The following RETREG2 variants were observed in gnomAD, a reference collection of about 807,000 sequenced individuals.
The protein encoded by RETREG2 is reticulophagy regulator 2.
RETREG2 carries 21 observed loss-of-function variants against 51.6 expected under a neutral mutation model. The observed-to-expected ratio is 0.41, with a 90% CI of 0.29 to 0.59. RETREG2 has a LOEUF of 0.59. RETREG2 is among the 20% of genes least tolerant of loss of function. The probability of loss-of-function intolerance (pLI) is 0.34; values close to 1 mark genes in which losing one functional copy is unlikely to be tolerated. For synonymous variants in RETREG2, 339 were observed against 288.6 expected, an observed-to-expected ratio of 1.17 and a Z score of -1.77; for missense variants, 674 against 646.0, an observed-to-expected ratio of 1.04 and a Z score of -0.47.
Position 219,184,514 on chromosome 2 carries a change from TGA to T in RETREG2, c.*1888_*1889del, listed in dbSNP as rs1333576462. 1 of 152,188 alleles carries T rather than the reference TGA, an allele frequency of 6.6e-6. No individual in the cohort carries two copies. The highest frequency in any genetic ancestry group is 2.4e-5 in the African/African-American group (1 of 41,442). The allele number at this position is 152,188 out of a possible 1,614,324, so 9.4% of individuals were successfully genotyped here. A position where few individuals can be genotyped will look rare whatever the true frequency, so the allele number is the denominator to read the frequency against. On this transcript the variant is annotated 3_prime_UTR_variant, in exon 9 of 9. Coordinates refer to ENST00000430297, the MANE Select transcript of RETREG2 (RefSeq NM_024293.6). The stretch of plus-strand genomic sequence containing the variant: ...TTTTTCTGTTTGCTTCACATTTGAC[TGA>T]GAATCATTCTAGGGTTTGATTGAGC...
Position 219,184,575 on chromosome 2 carries a change from T to C in RETREG2, c.*1946T>C, listed in dbSNP as rs1574789053. ...TGTGCCACTAAAGGAACTCGAACTT[T>C]TCATCACTTAGAGATTTCAGAGGGG... On this transcript the variant is annotated 3_prime_UTR_variant, in exon 9 of 9. Coordinates refer to ENST00000430297, the MANE Select transcript of RETREG2 (RefSeq NM_024293.6). The C allele has an allele frequency of 6.6e-6, 1 of 152,216 alleles. No homozygotes were observed. The allele number at this position is 152,216 out of a possible 1,614,324, so 9.4% of individuals were successfully genotyped here.
At position 219,179,046 on chromosome 2, in the gene RETREG2, C is replaced by T. The variant is rs777759884; in HGVS notation, c.388+18C>T. The T allele has an allele frequency of 1.3e-6, 2 of 1,560,676 alleles. No homozygotes were observed. Among genetic ancestry groups the T allele is most frequent in the Non-Finnish European group, 1.8e-6 (2 of 1,131,858 alleles). On this transcript the variant is annotated intron_variant, in intron 2 of 8. Transcript: ENST00000430297. ...CGTTTCAGGTGAGTGTTTCTTCATT[C>T]AGTAAGCACCCATTGGGTACTTGCT...
In RETREG2 at chr2:219,183,856, GGATTT is replaced by G. The variant is rs1950315988; in HGVS notation, c.*1228_*1232del. The G allele has an allele frequency of 6.6e-6, 1 of 152,204 alleles. No homozygotes were observed. The highest frequency in any genetic ancestry group is 2.4e-5 in the African/African-American group (1 of 41,448). The allele number at this position is 152,204 out of a possible 1,614,324, so 9.4% of individuals were successfully genotyped here. Reference sequence around the variant, plus strand: ...TACATGCTAACAACTCACTCAGCCTGGATTTATCTTTACTGGGGAAGCCAAACAAG... The same window carrying G: ...TACATGCTAACAACTCACTCAGCCTGATCTTTACTGGGGAAGCCAAACAAG... On this transcript the variant is annotated 3_prime_UTR_variant, in exon 9 of 9. Transcript: ENST00000430297.
chr2:219,182,406 T>G lies in RETREG2; in HGVS notation c.1409T>G (p.Val470Gly), dbSNP rs1950294665. 1 of 1,613,818 alleles carries G rather than the reference T, an allele frequency of 6.2e-7. No homozygotes were observed. Residue 470 changes from valine (V) to glycine (G), a missense_variant, in exon 9 of 9, where the codon GTT (valine) becomes GGT (glycine). Val to Gly is a moderately radical substitution (Grantham distance 109). Transcript: ENST00000430297. ...PAPSPSILPP[V>G]PQDSPQPLPA... is the part of the protein sequence containing the mutation. ...CCCTCCCCTTCCATTCTCCCACCTG[T>G]TCCCCAGGACTCACCCCAGCCCCTG...
chr2:219,181,533 C>T (rs566878381), intron 7 of RETREG2, 70 bp downstream of exon 7: 25 of 1,602,098 alleles, frequency 1.6e-5, no homozygotes, highest in Admixed American at 3.4e-5. Flanking sequence ...TTGGAGCTGC[C>T]ACCTCCAAAG....
intron 8 of RETREG2, 79 bp from the exon 9 acceptor site, chr2:219,181,934 C>T (rs1221550299): frequency 3.8e-6 from 6 of 1,570,962 alleles, no homozygotes; most frequent in Non-Finnish European, 5.2e-6. Context: ...GTCTTGAGTT[C>T]TCATCCTTGA....
intron 8 of RETREG2, 70 bp from the exon 9 acceptor site, chr2:219,181,943 G>C: frequency 6.3e-7 from 1 of 1,583,064 alleles, no homozygotes; most frequent in Non-Finnish European, 8.6e-7. Context: ...TCTCATCCTT[G>C]AACTCATTGT....
chr2:219,180,361 G>A, intron 4 of RETREG2, 116 bp downstream of exon 4: 12 of 1,386,984 alleles, frequency 8.7e-6, no homozygotes, highest in Non-Finnish European at 1.2e-5. Flanking sequence ...GAAGAGGCCT[G>A]GGCGCCTTCT....
Position 219,182,379 on chromosome 2 carries a change from C to T in RETREG2, c.1382C>T (p.Ala461Val). 1.2e-6 allele frequency: 2 copies of T among 1,614,040 alleles called. No individual in the cohort carries two copies. The highest frequency in any genetic ancestry group is 1.7e-6 in the Non-Finnish European group (2 of 1,179,996). The change falls in exon 9 of 9, where the codon GCC becomes GTC. Residue 461 changes from alanine to valine, a missense_variant. Transcript: ENST00000430297. ...CTTTGCCTTGTTGGAAGTGACCCAG[C>T]CCCCTCCCCTTCCATTCTCCCACCT... ...PPLCLVGSDPAPSPSILPPVP... is the reference protein window; with the variant it reads ...PPLCLVGSDPVPSPSILPPVP...
Position 219,178,301 on chromosome 2 carries a change from G to T in RETREG2, c.-52G>T. 2.7e-6 allele frequency: 1 copy of T among 376,412 alleles called. No individual in the cohort carries two copies. The highest frequency in any genetic ancestry group is 4.7e-6 in the Non-Finnish European group (1 of 211,682). 23.3% of individuals were successfully genotyped at this position (376,412 alleles called of 1,614,324 possible). On this transcript the variant is annotated 5_prime_UTR_variant, in exon 1 of 9. Transcript: ENST00000430297. The stretch of plus-strand genomic sequence containing the variant: ...TTCCGCCTGACGCGCCCCCGGCGGC[G>T]GCCGCGCAGCCCTGGCTCCTCGCGG...
In RETREG2 at chr2:219,181,430, A is replaced by T. The variant is rs746714475; in HGVS notation, c.846A>T (p.Glu282Asp). The T allele has an allele frequency of 6.2e-7, 1 of 1,614,140 alleles. No homozygotes were observed. The highest frequency in any genetic ancestry group is 1.7e-5 in the Admixed American group (1 of 60,020). ...AGCCACTGGCAGAGACAGAGAGTGA[A>T]AGCGAGGCAGAGCTGGCTGGCTTCT... ...GDEPLAETES[E>D]SEAELAGFSP... The change falls in exon 7 of 9, where the codon GAA becomes GAT. Residue 282 changes from glutamate to aspartate, a missense_variant. Physicochemically the swap from Glu to Asp is conservative, Grantham distance 45. Transcript: ENST00000430297.
In RETREG2 at chr2:219,182,093, G is replaced by C. The variant is rs776458199; in HGVS notation, c.1096G>C (p.Ala366Pro). The change falls in exon 9 of 9, where the codon GCC becomes CCC. Residue 366 changes from alanine to proline, a missense_variant. Transcript: ENST00000430297. ...AGGGGAGGGAGAGGAGGGAGAGCTG[G>C]CCCCTCCCGAAGACCTACTAGGCCG... ...DLGEGEEGEL[A>P]PPEDLLGRPQ... 2.1e-5 allele frequency: 34 copies of C among 1,614,140 alleles called. No individual in the cohort carries two copies. The South Asian group carries it at 3.7e-4, about 18-fold the overall frequency.
rs1303044679 is a variant in RETREG2 at position 219,184,422 on chromosome 2, A to G, written c.*1793A>G. 6.6e-6 allele frequency: 1 copy of G among 152,040 alleles called. No homozygotes were observed. The highest frequency in any genetic ancestry group is 6.6e-5 in the Admixed American group (1 of 15,262). The allele number at this position is 152,040 out of a possible 1,614,324, so 9.4% of individuals were successfully genotyped here. A position where few individuals can be genotyped will look rare whatever the true frequency, so the allele number is the denominator to read the frequency against. On this transcript the variant is annotated 3_prime_UTR_variant, in exon 9 of 9. Transcript: ENST00000430297. ...TGCCTGGCTGTCTGCTGGAGGTACC[A>G]TATGGTAATGCTGCCTGTCTTTCTG... is the stretch of plus-strand genomic sequence containing the variant.
intron 6 of RETREG2, 64 bp from the exon 7 acceptor site, chr2:219,181,305 C>G: frequency 6.2e-7 from 1 of 1,604,978 alleles, no homozygotes; most frequent in Non-Finnish European, 8.5e-7. Context: ...AGTTCTTTAG[C>G]TGTGTTTGTC....
chr2:219,181,829 C>T, intron 8 of RETREG2, 54 bp downstream of exon 8: 2 of 1,600,112 alleles, frequency 1.2e-6, no homozygotes, highest in Non-Finnish European at 1.7e-6. Flanking sequence ...GTGTTCCCTA[C>T]CATGGGTACT....
chr2:219,179,846 TGCCCCAG>T (rs1950251439), intron 3 of RETREG2, 83 bp downstream of exon 3: 2 of 1,439,948 alleles, frequency 1.4e-6, no homozygotes, highest in South Asian at 2.3e-5. Flanking sequence ...AGCAGGGCAG[TGCCCCAG>T]CATTGTGAAT....
At chr2:219,180,927 T>A in intron 5 of RETREG2, 135 bp from the exon 6 acceptor site, 1 of 1,371,550 alleles carries the variant, frequency 7.3e-7, no homozygotes, top group Non-Finnish European at 1.0e-6. Flanking sequence ...GGGCAGTGGA[T>A]GTGGCAAGAA....
chr2:219,181,331 C>A, intron 6 of RETREG2, 38 bp from the exon 7 acceptor site: 1 of 1,608,724 alleles, frequency 6.2e-7, no homozygotes, highest in Non-Finnish European at 8.5e-7. Flanking sequence ...TCCCATCATT[C>A]ATGCTTGGTC....
Position 219,180,770 on chromosome 2 carries a change from C to G in RETREG2, c.640+16C>G, listed in dbSNP as rs977047451. On this transcript the variant is annotated intron_variant, in intron 5 of 8. Transcript: ENST00000430297. ...TACATTGTCTGTGAGTAGGGTCTGT[C>G]CCTGCCCTATTTAAAGCCCTCTCCT... 6.2e-7 allele frequency: 1 copy of G among 1,613,392 alleles called. No homozygotes were observed. The highest frequency in any genetic ancestry group is 1.7e-5 in the Admixed American group (1 of 60,006).
Sources: gnomAD v4.1 joint callset for allele counts on GRCh38, gnomAD v4.1.1 for gene constraint, MANE v1.5 for transcripts, NCBI Gene and HGNC (gene_info 2026-07-23, HGNC 2026-07-21) for gene names.